CD109: variants seen among roughly 807,000 people sequenced by gnomAD.
CD109 encodes the protein CD109 antigen.
Under a neutral mutation model 165.8 loss-of-function variants are expected in CD109, and 149 were observed. That is an observed-to-expected ratio of 0.90 (90% CI 0.79 to 1.03). CD109 has a LOEUF of 1.03. Among genes scored for constraint, CD109 ranks in the 50% least tolerant of loss-of-function variants. The probability of loss-of-function intolerance (pLI) is 0.00; values close to 1 mark genes in which losing one functional copy is unlikely to be tolerated. For missense variants in CD109, 1,712 were observed against 1,677.8 expected (o/e 1.02, Z -0.36); for synonymous variants, 585 against 592.1 (o/e 0.99, Z 0.18).
chr6:73,690,980 T>C (rs1770681797), upstream of CD109, among the ~76,000 whole-genome samples: 1 of 152,158 alleles, frequency 6.6e-6, no homozygotes, highest in African/African-American at 2.4e-5. Flanking sequence ...GCAGCTACTC[T>C]ACCTGACCTC....
At chr6:73,762,555 G>C in intron 8 of CD109, 75 bp downstream of exon 8, 2 of 1,104,532 alleles carry the variant, frequency 1.8e-6, no homozygotes, top group Non-Finnish European at 2.6e-6. Flanking sequence ...ATTTAGTACT[G>C]AATTAACAAA....
At chr6:73,682,548 A>T in the CD109 span, among the ~76,000 whole-genome samples, 1 of 152,188 alleles carries the variant, frequency 6.6e-6, no homozygotes, top group East Asian at 1.9e-4. Flanking sequence ...TTCCAGGCAC[A>T]CAGTGCAAGC....
At chr6:73,795,723 C>T (rs2150275769) in intron 23 of CD109, among the ~76,000 whole-genome samples, 2 of 152,320 alleles carry the variant, frequency 1.3e-5, no homozygotes, top group South Asian at 4.1e-4. Flanking sequence ...AGGGGCATAG[C>T]ACTGGCTGTG....
chr6:73,739,181 C>G (rs1405767894), intron 5 of CD109, among the ~76,000 whole-genome samples: 4 of 152,110 alleles, frequency 2.6e-5, no homozygotes, highest in Admixed American at 1.3e-4. Flanking sequence ...GCATCTTTAT[C>G]TTTTTGAAGA....
At chr6:73,702,924 C>T (rs180826889) in intron 2 of CD109, among the ~76,000 whole-genome samples, 102 of 152,234 alleles carry the variant, frequency 6.7e-4, no homozygotes, top group Admixed American at 5.3e-3. Flanking sequence ...AATCTTGAAC[C>T]GGGAACTCTA....
chr6:73,807,574 C>T (rs991520297), intron 25 of CD109, among the ~76,000 whole-genome samples: 5 of 152,130 alleles, frequency 3.3e-5, no homozygotes, highest in Non-Finnish European at 7.4e-5. Flanking sequence ...TGCTGACGAG[C>T]TTAAGTTTGC....
intron 2 of CD109, among the ~76,000 whole-genome samples, chr6:73,721,475 C>T (rs1052164936): frequency 6.6e-6 from 1 of 151,624 alleles, no homozygotes; most frequent in Non-Finnish European, 1.5e-5. Flanking sequence ...CACCATTCTC[C>T]TGCCTCAGCC....
At chr6:73,754,563 A>G (rs565696210) in intron 5 of CD109, among the ~76,000 whole-genome samples, 1 of 152,350 alleles carries the variant, frequency 6.6e-6, no homozygotes, top group East Asian at 1.9e-4. Context: ...GATGACCTAA[A>G]ACTTAGTTTC....
intron 2 of CD109, among the ~76,000 whole-genome samples, chr6:73,703,966 C>T (rs1771170172): frequency 6.6e-6 from 1 of 152,164 alleles, no homozygotes; most frequent in African/African-American, 2.4e-5. Flanking sequence ...AGGTGGATCA[C>T]TTGAGGCCAG....
chr6:73,826,907 A>G lies in CD109; in HGVS notation c.*3274A>G, dbSNP rs1416697268. ...TTTAGCTTTAATTTCTATTTATGCT[A>G]AACATATTTATAAGTAGTCTGTCAA... is the stretch of plus-strand genomic sequence containing the variant. On this transcript the variant is annotated 3_prime_UTR_variant, in exon 33 of 33. Coordinates refer to ENST00000287097, the MANE Select transcript of CD109 (RefSeq NM_133493.5). The G allele has an allele frequency of 6.6e-6, 1 of 150,610 alleles. No individual in the cohort carries two copies. Among genetic ancestry groups the G allele is most frequent in the Non-Finnish European group, 1.5e-5 (1 of 67,778 alleles). The allele number at this position is 150,610 out of a possible 1,614,324, so 9.3% of individuals were successfully genotyped here. A position where few individuals can be genotyped will look rare whatever the true frequency, so the allele number is the denominator to read the frequency against.
At chr6:73,782,342 G>GT (rs1774537597) in intron 17 of CD109, among the ~76,000 whole-genome samples, 1 of 152,136 alleles carries the variant, frequency 6.6e-6, no homozygotes, top group Non-Finnish European at 1.5e-5. Context: ...TTCAGTCTCA[G>GT]TTTTTACCCA....
Position 73,788,588 on chromosome 6 carries a change from G to T in CD109, c.2677G>T (p.Glu893Ter). The T allele has an allele frequency of 6.2e-7, 1 of 1,613,234 alleles. No homozygotes were observed. Among genetic ancestry groups the T allele is most frequent in the Non-Finnish European group, 8.5e-7 (1 of 1,179,724 alleles). Residue 893 changes from glutamate (E) to a stop codon, truncating the protein, a stop_gained, in exon 22 of 33, where the codon GAA (glutamate) becomes TAA (stop). Coordinates refer to ENST00000287097, the MANE Select transcript of CD109 (RefSeq NM_133493.5). LOFTEE classifies it high-confidence loss of function. ...SFPPNTVTGS[E>*]RVQITAIGDV... ...TCCTCCTAATACAGTGACTGGCAGT[G>T]AAAGAGTTCAGATCACTGCAATTGG...
In CD109 at chr6:73,762,767, T is replaced by A; in HGVS notation, c.882T>A (p.Phe294Leu). 3.1e-6 allele frequency: 5 copies of A among 1,605,998 alleles called. No homozygotes were observed. The highest frequency in any genetic ancestry group is 4.3e-6 in the Non-Finnish European group (5 of 1,174,196). ...FKINGSANFSFNDEEMKNVMD... is the reference protein window; with the variant it reads ...FKINGSANFSLNDEEMKNVMD... Reference sequence around the variant, plus strand: ...TAAATGGATCTGCAAACTTCTCTTTTAATGATGAAGAGATGAAAAATGTAA... The same window carrying A: ...TAAATGGATCTGCAAACTTCTCTTTAAATGATGAAGAGATGAAAAATGTAA... Residue 294 changes from phenylalanine to leucine, a missense_variant, in exon 9 of 33, where the codon TTT becomes TTA. Transcript: ENST00000287097.
intron 14 of CD109, 149 bp from the exon 15 acceptor site, chr6:73,771,280 C>A: frequency 1.8e-6 from 1 of 559,292 alleles, no homozygotes; most frequent in South Asian, 2.8e-5. Flanking sequence ...ATTCCTTTCC[C>A]TAGAGAAGGG....
At position 73,763,662 on chromosome 6, in the gene CD109, C is replaced by A; in HGVS notation, c.1084C>A (p.Pro362Thr). 1 of 1,580,280 alleles carries A rather than the reference C, an allele frequency of 6.3e-7. No individual in the cohort carries two copies. The highest frequency in any genetic ancestry group is 8.6e-7 in the Non-Finnish European group (1 of 1,158,768). Residue 362 changes from proline to threonine, a missense_variant, in exon 10 of 33, where the codon CCA (proline) becomes ACA (threonine). By Grantham distance (38) the Pro-to-Thr change is conservative (BLOSUM62 -1). Transcript: ENST00000287097. ...EFFDYTTVLK[P>T]SLNFTATVKV... ...TTTTGATTATACTACTGTCTTGAAGCCATCTCTCAACTTCACAGCCACTGT... is the reference window on the plus strand; with the variant it reads ...TTTTGATTATACTACTGTCTTGAAGACATCTCTCAACTTCACAGCCACTGT...
At chr6:73,761,072 A>AC (rs1562051579) in intron 7 of CD109, among the ~76,000 whole-genome samples, 14 of 122,066 alleles carry the variant, frequency 1.1e-4, no homozygotes, top group African/African-American at 4.0e-4. Context: ...CACACACACA[A>AC]ACCCAGAAAC....
rs77677295 is a variant in CD109, at chr6:73,740,507, G to A, written c.633+3999G>A. ...TTAATCTAAATTGTTTGCCCTTCAAGTATTGTATTGCTTTTCACCTTCAAG... is the reference window on the plus strand; with the variant it reads ...TTAATCTAAATTGTTTGCCCTTCAAATATTGTATTGCTTTTCACCTTCAAG... On this transcript the variant is annotated intron_variant, in intron 5 of 32. Coordinates refer to ENST00000287097, the MANE Select transcript of CD109 (RefSeq NM_133493.5). Among the ~76,000 whole-genome samples, 950 of 151,880 alleles carry A rather than the reference G, an allele frequency of 6.3e-3. 10 individuals carry two copies. The highest frequency in any genetic ancestry group is 0.022 in the African/African-American group (905 of 41,428).
chr6:73,775,165 G>T (rs1774193578), intron 15 of CD109, among the ~76,000 whole-genome samples: 1 of 151,562 alleles, frequency 6.6e-6, no homozygotes, highest in Non-Finnish European at 1.5e-5. Flanking sequence ...AAATTTTATT[G>T]TGTATATTTG....
intron 2 of CD109, among the ~76,000 whole-genome samples, chr6:73,722,630 C>G (rs1335322750): frequency 6.6e-6 from 1 of 152,180 alleles, no homozygotes; most frequent in Non-Finnish European, 1.5e-5. Context: ...TTTTATTTCC[C>G]AAGGGCCTGC....
Sources: gnomAD v4.1 joint callset for allele counts (sites outside exome capture counted in the v4.1 genomes callset) on GRCh38, gnomAD v4.1.1 for gene constraint, MANE v1.5 for transcripts, NCBI Gene and HGNC (gene_info 2026-07-23, HGNC 2026-07-21) for gene names.